ACAA1: variants seen among roughly 807,000 people sequenced by gnomAD.
ACAA1 encodes acetyl-CoA acyltransferase 1.
ACAA1 carries 44 observed loss-of-function variants against 48.8 expected under a neutral mutation model. The observed-to-expected ratio is 0.90, with a 90% CI of 0.71 to 1.16. The LOEUF (loss-of-function observed/expected upper bound fraction) is 1.16. Ranked by LOEUF, ACAA1 falls within the 50% of genes most tolerant of loss-of-function variation. The pLI is 0.00. For missense variants in ACAA1, 512 were observed against 562.3 expected (o/e 0.91, Z 0.90); for synonymous variants, 233 against 226.5 (o/e 1.03, Z -0.26).
chr3:38,134,158 T>C, intron 2 of ACAA1, 149 bp from the exon 3 acceptor site: 1 of 738,986 alleles, frequency 1.4e-6, no homozygotes, highest in South Asian at 1.9e-5. Flanking sequence ...ACATCAGGGT[T>C]TGGGGCAGGG....
intron 2 of ACAA1, 123 bp downstream of exon 2, chr3:38,136,469 C>G: frequency 1.0e-6 from 1 of 970,548 alleles, no homozygotes; most frequent in Non-Finnish European, 1.6e-6. Context: ...GGGGCAGGAC[C>G]CCTTCAAAGG....
rs1240697466 is a variant in ACAA1 at position 38,129,986 on chromosome 3, G to T, written c.447-598C>A. On this transcript the variant is annotated intron_variant, in intron 5 of 11. Transcript: ENST00000333167. This position sits in a 1 kb window ranked among gnomAD's most constrained non-coding sequence, Gnocchi z 5.3. The stretch of plus-strand genomic sequence containing the variant: ...ACCCAGGAGGCGGAACTTGCAGTGA[G>T]ATGAGATCGTGTCACTGCACTCCAG... Among the ~76,000 whole-genome samples, 1 of 152,230 alleles carries T rather than the reference G, an allele frequency of 6.6e-6. No individual in the cohort carries two copies. Among genetic ancestry groups the T allele is most frequent in the Non-Finnish European group, 1.5e-5 (1 of 68,040 alleles).
chr3:38,133,849 T>C lies in ACAA1; in HGVS notation c.323+103A>G, dbSNP rs1700835724. On this transcript the variant is annotated intron_variant, in intron 3 of 11. Transcript: ENST00000333167. ...AAGGACTCTCGTTGCCTCATTCTGG[T>C]GTCCAACCTTATCCTCCCCAACCTG... 1.3e-5 allele frequency: 16 copies of C among 1,201,788 alleles called. No individual in the cohort carries two copies. The South Asian group carries it at 1.9e-4, about 14-fold the overall frequency. 74.4% of individuals were successfully genotyped at this position (1,201,788 alleles called of 1,614,324 possible). A position where few individuals can be genotyped will look rare whatever the true frequency, so the allele number is the denominator to read the frequency against.
At chr3:38,123,210 G>C in intron 11 of ACAA1, 88 bp from the exon 12 acceptor site, 1 of 1,310,838 alleles carries the variant, frequency 7.6e-7, no homozygotes, top group Admixed American at 1.7e-5. Flanking sequence ...TCATGGACAA[G>C]TAGGATGCAA....
At position 38,136,987 on chromosome 3, in the gene ACAA1, A is replaced by C. The variant is rs757441807; in HGVS notation, c.49T>G (p.Ser17Ala). ...GGCGCGGCCTGCGGCATCCAGCCGG[A>C]ATCGGCCGGACCCCTCAGGTGGCCC... ...VLGHLRGPAD[S>A]GWMPQAAPCL... The change falls in exon 1 of 12, where the codon TCC (serine) becomes GCC (alanine). Residue 17 changes from serine to alanine, a missense_variant. Coordinates refer to ENST00000333167, the MANE Select transcript of ACAA1 (RefSeq NM_001607.4). 1.5e-5 allele frequency: 23 copies of C among 1,562,362 alleles called. No individual in the cohort carries two copies. The South Asian group carries it at 2.5e-4, about 17-fold the overall frequency.
At chr3:38,135,523 G>A (rs1700872679) in intron 2 of ACAA1, among the ~76,000 whole-genome samples, 1 of 152,274 alleles carries the variant, frequency 6.6e-6, no homozygotes, top group South Asian at 2.1e-4. Flanking sequence ...AAAGGACTCA[G>A]TGTCATAAGT....
At chr3:38,123,773 C>G (rs1392716479) in intron 11 of ACAA1, 2 of 152,020 alleles carry the variant, frequency 1.3e-5, no homozygotes, top group African/African-American at 4.8e-5. Context: ...GAGGCCGAGG[C>G]GGGAGGATCA....
intron 2 of ACAA1, among the ~76,000 whole-genome samples, chr3:38,134,762 T>G (rs1445925848): frequency 6.6e-6 from 1 of 152,202 alleles, no homozygotes; most frequent in Non-Finnish European, 1.5e-5. Context: ...AGGGACATGA[T>G]GCACTGTGGA....
At chr3:38,136,814 A>G in intron 1 of ACAA1, 51 bp downstream of exon 1, 2 of 1,487,228 alleles carry the variant, frequency 1.3e-6, no homozygotes, top group Non-Finnish European at 1.8e-6. Flanking sequence ...ACCGGACCCC[A>G]GCCCGCGCCG....
intron 2 of ACAA1, chr3:38,134,598 T>C (rs1700851616): frequency 2.2e-6 from 1 of 450,452 alleles, no homozygotes; most frequent in African/African-American, 2.0e-5. Context: ...TGTTAATCTG[T>C]AACTTTAGCC....
In ACAA1 at chr3:38,125,894, TAA is replaced by T; in HGVS notation, c.998-15_998-14del. ...CTCACTGTCAGCCCTGCAGACAAGG[TAA>T]AGACCTGAGCTGACACACTGGCCCT... On this transcript the variant is annotated splice_polypyrimidine_tract_variant and intron_variant, in intron 9 of 11. Transcript: ENST00000333167. 6.2e-7 allele frequency: 1 copy of T among 1,614,042 alleles called. No individual in the cohort carries two copies.
rs201012934 is a variant in ACAA1 at position 38,131,366 on chromosome 3, A to G, written c.446+230T>C. Among the ~76,000 whole-genome samples, 724 of 152,258 alleles carry G rather than the reference A, an allele frequency of 4.8e-3. 20 individuals carry two copies. Among genetic ancestry groups the G allele is most frequent in the Admixed American group, 0.043 (660 of 15,300 alleles). Reference sequence around the variant, plus strand: ...AGCCTGAAAGATTTCCAAGAAAGTAAGCTTTTAGAGGCCAATTCCCCTCCC... The same window carrying G: ...AGCCTGAAAGATTTCCAAGAAAGTAGGCTTTTAGAGGCCAATTCCCCTCCC... On this transcript the variant is annotated intron_variant, in intron 5 of 11. Coordinates refer to ENST00000333167, the MANE Select transcript of ACAA1 (RefSeq NM_001607.4).
In ACAA1 at chr3:38,136,597, C is replaced by G; in HGVS notation, c.260G>C (p.Cys87Ser). Residue 87 changes from cysteine to serine, a missense_variant, in exon 2 of 12, where the codon TGT becomes TCT. Coordinates refer to ENST00000333167, the MANE Select transcript of ACAA1 (RefSeq NM_001607.4). ...GGCCTGAGTGGTTCGCTCACCGACA[C>G]AGATGTCCCCCAGCTGTTCCGGCCT... Reference protein sequence around the residue: ...NLRPEQLGDICVGNVLQPGAG... With the variant: ...NLRPEQLGDISVGNVLQPGAG... The G allele has an allele frequency of 6.2e-7, 1 of 1,614,034 alleles. No individual in the cohort carries two copies. Among genetic ancestry groups the G allele is most frequent in the Non-Finnish European group, 8.5e-7 (1 of 1,180,008 alleles).
Position 38,126,132 on chromosome 3 carries a change from C to A in ACAA1, c.997+30G>T, listed in dbSNP as rs1700677023. 4.4e-6 allele frequency: 7 copies of A among 1,605,958 alleles called. No individual in the cohort carries two copies. The highest frequency in any genetic ancestry group is 6.0e-6 in the Non-Finnish European group (7 of 1,175,656). ...GGGCAGCTGCAGGATCCAGGTGGGA[C>A]CCAGATACTATATGAAGGAGCCACC... is the stretch of plus-strand genomic sequence containing the variant. On this transcript the variant is annotated intron_variant, in intron 9 of 11. Coordinates refer to ENST00000333167, the MANE Select transcript of ACAA1 (RefSeq NM_001607.4). The surrounding 1 kb of genome is among the most constrained non-coding windows in gnomAD (Gnocchi z 4.7).
chr3:38,127,916 G>T, intron 6 of ACAA1, 50 bp from the exon 7 acceptor site: 1 of 1,586,966 alleles, frequency 6.3e-7, no homozygotes, highest in South Asian at 1.1e-5. Flanking sequence ...CAGCCTAGAG[G>T]AAGGGACCAG....
intron 6 of ACAA1, 132 bp from the exon 7 acceptor site, chr3:38,127,998 G>T (rs2125766286): frequency 1.3e-6 from 1 of 795,142 alleles, no homozygotes; most frequent in East Asian, 2.5e-5. Flanking sequence ...GCCAGTCCAT[G>T]CCACAGACAG....
rs763286555 is a variant in ACAA1 at position 38,129,414 on chromosome 3, G to A, written c.447-26C>T. 2.5e-6 allele frequency: 4 copies of A among 1,586,282 alleles called. No individual in the cohort carries two copies. In the East Asian group the frequency reaches 6.7e-5, roughly 27 times the overall value. On this transcript the variant is annotated intron_variant, in intron 5 of 11. Transcript: ENST00000333167. This position sits in a 1 kb window ranked among gnomAD's most constrained non-coding sequence, Gnocchi z 5.3. ...CTGGGGAGGAGGAAGAGGAGGAGAAGGTAAGGTGAACTGGGCCCTAGCAGG... is the reference window on the plus strand; with the variant it reads ...CTGGGGAGGAGGAAGAGGAGGAGAAAGTAAGGTGAACTGGGCCCTAGCAGG...
At chr3:38,134,362 C>G in intron 2 of ACAA1, 1 of 423,072 alleles carries the variant, frequency 2.4e-6, no homozygotes, top group South Asian at 2.1e-5. Flanking sequence ...TGCTGTCACC[C>G]CAGAGAGGTG....
At chr3:38,124,821 A>G (rs1385716582) in intron 11 of ACAA1, 1 of 152,224 alleles carries the variant, frequency 6.6e-6, no homozygotes, top group Non-Finnish European at 1.5e-5. Flanking sequence ...AAGGCAGAAA[A>G]AAAGTGTGTC....
Sources: allele counts gnomAD v4.1 joint callset (sites outside exome capture counted in the v4.1 genomes callset), GRCh38; gene constraint gnomAD v4.1.1; non-coding constraint Gnocchi (gnomAD v3.1); transcripts MANE v1.5; gene names NCBI Gene and HGNC (gene_info 2026-07-23, HGNC 2026-07-21).